The following DENND1B variants were observed in gnomAD, a reference collection of about 807,000 sequenced individuals.
The protein encoded by DENND1B is DENN domain containing 1B, also known as DENN domain-containing protein 1B.
In DENND1B, 59 loss-of-function variants were observed where a neutral mutation model predicts 90.1. The observed-to-expected ratio is 0.65, with a 90% confidence interval of 0.53 to 0.81. The LOEUF (loss-of-function observed/expected upper bound fraction) is 0.81, where lower values mean the gene tolerates loss of function less well. Among genes scored for constraint, DENND1B ranks in the 40% least tolerant of loss-of-function variants. The pLI, the probability that DENND1B is intolerant of heterozygous loss-of-function variation, is 0.00. For synonymous variants in DENND1B, 337 were observed against 324.6 expected (o/e 1.04, Z -0.41); for missense variants, 862 against 912.6 (o/e 0.94, Z 0.71).
chr1:197,626,204 A>G (rs564732388), intron 10 of DENND1B, among the ~76,000 whole-genome samples: 1 of 152,186 alleles, frequency 6.6e-6, no homozygotes, highest in South Asian at 2.1e-4. Context: ...TCCACCCCAA[A>G]TCAACAGAAT....
Position 197,715,082 on chromosome 1 carries a change from T to C in DENND1B, c.83-8A>G. On this transcript the variant is annotated splice_polypyrimidine_tract_variant and splice_region_variant and intron_variant, in intron 2 of 22. Transcript: ENST00000620048. ...TCCACAATACCACAGGATCTGTAAATAATTGACATGTATAATTAAACAGCA... is the reference window on the plus strand; with the variant it reads ...TCCACAATACCACAGGATCTGTAAACAATTGACATGTATAATTAAACAGCA... 6.2e-7 allele frequency: 1 copy of C among 1,609,192 alleles called. No individual in the cohort carries two copies. The highest frequency in any genetic ancestry group is 2.2e-5 in the East Asian group (1 of 44,690).
intron 3 of DENND1B, among the ~76,000 whole-genome samples, chr1:197,676,429 AAC>A (rs141771179): frequency 1.1e-4 from 16 of 151,014 alleles, no homozygotes; most frequent in African/African-American, 3.1e-4. Flanking sequence ...CACATATACA[AAC>A]ACACACACAC....
At chr1:197,733,304 T>C (rs1000130186) in intron 2 of DENND1B, among the ~76,000 whole-genome samples, 2 of 152,200 alleles carry the variant, frequency 1.3e-5, no homozygotes, top group African/African-American at 4.8e-5. Flanking sequence ...CATGTATTAT[T>C]AGACCTCAAG....
At chr1:197,686,751 C>CT (rs1236370688) in intron 3 of DENND1B, among the ~76,000 whole-genome samples, 1 of 149,432 alleles carries the variant, frequency 6.7e-6, no homozygotes, top group African/African-American at 2.5e-5. Flanking sequence ...CTCTTCCTAT[C>CT]TTTGTCATTT....
chr1:197,597,401 T>TG (rs1337761389), intron 13 of DENND1B, among the ~76,000 whole-genome samples: 1 of 151,384 alleles, frequency 6.6e-6, no homozygotes, highest in Non-Finnish European at 1.5e-5. Context: ...TATAAATAGT[T>TG]TTTTTAAAAG....
At chr1:197,596,656 AC>A (rs1306228283) in intron 13 of DENND1B, among the ~76,000 whole-genome samples, 1 of 151,872 alleles carries the variant, frequency 6.6e-6, no homozygotes, top group African/African-American at 2.4e-5. Flanking sequence ...ATACACACAC[AC>A]AACACATGCA....
At chr1:197,638,128 T>C (rs1325997286) in intron 10 of DENND1B, among the ~76,000 whole-genome samples, 1 of 152,192 alleles carries the variant, frequency 6.6e-6, no homozygotes, top group African/African-American at 2.4e-5. Flanking sequence ...ATGCCCTTGA[T>C]GGAATTAATG....
chr1:197,600,591 T>C (rs1676114187), intron 13 of DENND1B, among the ~76,000 whole-genome samples: 1 of 151,868 alleles, frequency 6.6e-6, no homozygotes, highest in African/African-American at 2.4e-5. Context: ...TGTTATACAA[T>C]AGAGAAATAC....
chr1:197,512,695 T>C (rs1668113724), intron 21 of DENND1B, among the ~76,000 whole-genome samples, 176 bp downstream of exon 21: 1 of 151,716 alleles, frequency 6.6e-6, no homozygotes, highest in Non-Finnish European at 1.5e-5. Flanking sequence ...CTTAGTTTCC[T>C]GTCCCAAGAT....
At chr1:197,715,150 T>C in intron 2 of DENND1B, 76 bp from the exon 3 acceptor site, 1 of 1,232,570 alleles carries the variant, frequency 8.1e-7, no homozygotes, top group East Asian at 2.4e-5. Context: ...TTAAACACTC[T>C]TAAAATTGTC....
intron 5 of DENND1B, among the ~76,000 whole-genome samples, chr1:197,663,184 G>C (rs1654594927): frequency 6.6e-6 from 1 of 152,000 alleles, no homozygotes; most frequent in Non-Finnish European, 1.5e-5. Flanking sequence ...ATTTGTTTGT[G>C]AAATATTAGA....
At chr1:197,615,394 A>C (rs927271569) in intron 11 of DENND1B, among the ~76,000 whole-genome samples, 1 of 151,076 alleles carries the variant, frequency 6.6e-6, no homozygotes, top group African/African-American at 2.4e-5. Flanking sequence ...CCCACACCAG[A>C]GCTACCAGTT....
intron 15 of DENND1B, among the ~76,000 whole-genome samples, chr1:197,569,195 C>T (rs1220740560): frequency 6.6e-6 from 1 of 152,042 alleles, no homozygotes; most frequent in African/African-American, 2.4e-5. Flanking sequence ...CACTAATCAT[C>T]AGAGAAATGC....
Position 197,539,016 on chromosome 1 carries a change from T to C in DENND1B, c.1515+948A>G, listed in dbSNP as rs1242061223. 3.3e-5 allele frequency among the ~76,000 whole-genome samples: 5 copies of C among 152,224 alleles called. 1 individual carries two copies. The highest frequency in any genetic ancestry group is 4.1e-4 in the South Asian group (2 of 4,820). On this transcript the variant is annotated intron_variant, in intron 20 of 22. Coordinates refer to ENST00000620048, the MANE Select transcript of DENND1B (RefSeq NM_001195215.2). The stretch of plus-strand genomic sequence containing the variant: ...CCTCCCGAACTGTGAGAAATAAACT[T>C]CTGTTCTTTACAAATTACCCAGCCT...
intron 2 of DENND1B, among the ~76,000 whole-genome samples, chr1:197,762,823 A>G (rs942096145): frequency 6.6e-6 from 1 of 152,140 alleles, no homozygotes; most frequent in East Asian, 1.9e-4. Context: ...TGGGTCTGAC[A>G]TATTTCATTT....
chr1:197,617,146 A>G (rs1677722433), intron 11 of DENND1B, among the ~76,000 whole-genome samples: 1 of 151,092 alleles, frequency 6.6e-6, no homozygotes, highest in Admixed American at 6.6e-5. Flanking sequence ...CTTTGACTTA[A>G]ACAAAAAACA....
chr1:197,594,377 T>C (rs1558283722), intron 14 of DENND1B, among the ~76,000 whole-genome samples: 1 of 152,094 alleles, frequency 6.6e-6, no homozygotes, highest in East Asian at 1.9e-4. Context: ...GGGGAAGGTA[T>C]AAGAATTCTC....
Position 197,553,128 on chromosome 1 carries a change from G to GTCAAATAAAATGTA in DENND1B, c.1150-30_1150-17dup. On this transcript the variant is annotated splice_polypyrimidine_tract_variant and intron_variant, in intron 15 of 22. Coordinates refer to ENST00000620048, the MANE Select transcript of DENND1B (RefSeq NM_001195215.2). ...CATCGATAAACTAGAATTAAAAAGT[G>GTCAAATAAAATGTA]TCAAATAAAATGTATCAAATAAAAT... is the stretch of plus-strand genomic sequence containing the variant. 1 of 1,511,936 alleles carries GTCAAATAAAATGTA rather than the reference G, an allele frequency of 6.6e-7. No homozygotes were observed. 93.7% of individuals were successfully genotyped at this position (1,511,936 alleles called of 1,614,324 possible). A position where few individuals can be genotyped will look rare whatever the true frequency, so the allele number is the denominator to read the frequency against.
At chr1:197,583,298 C>A in intron 14 of DENND1B, 45 bp from the exon 15 acceptor site, 2 of 1,569,174 alleles carry the variant, frequency 1.3e-6, no homozygotes, top group Non-Finnish European at 1.8e-6. Context: ...AAAGGTTAGT[C>A]AGAGAGAACT....
Sources: allele counts gnomAD v4.1 joint callset (sites outside exome capture counted in the v4.1 genomes callset), GRCh38; gene constraint gnomAD v4.1.1; transcripts MANE v1.5; gene names NCBI Gene and HGNC (gene_info 2026-07-23, HGNC 2026-07-21).